The following DOCK10 variants were observed in gnomAD, a reference collection of about 807,000 sequenced individuals.
The protein encoded by DOCK10 is dedicator of cytokinesis 10, also known as dedicator of cytokinesis protein 10.
DOCK10 carries 145 observed loss-of-function variants against 280.1 expected under a neutral mutation model. That is an observed-to-expected ratio of 0.52 (90% CI 0.45 to 0.59). DOCK10 has a LOEUF of 0.59. Among genes scored for constraint, DOCK10 ranks in the 20% least tolerant of loss-of-function variants. The pLI is 0.00. For missense variants in DOCK10, 2,368 were observed against 2,651.7 expected (o/e 0.89, Z 2.35); for synonymous variants, 915 against 942.2 (o/e 0.97, Z 0.53).
chr2:224,884,671 G>A (rs1270326239), intron 7 of DOCK10, among the ~76,000 whole-genome samples: 1 of 152,144 alleles, frequency 6.6e-6, no homozygotes, highest in Non-Finnish European at 1.5e-5. Flanking sequence ...AACATTATTT[G>A]TTAAAAGCAC....
chr2:225,037,453 C>T lies in DOCK10; in HGVS notation c.123+4799G>A, dbSNP rs112571026. On this transcript the variant is annotated intron_variant, in intron 1 of 55. Transcript: ENST00000258390. ...TAGATCAAAAGGCAACACCAATCAA[C>T]GTCAGCTACTCATATCCACCGATTT... is the stretch of plus-strand genomic sequence containing the variant. Among the ~76,000 whole-genome samples the T allele has an allele frequency of 6.4e-3, 972 of 152,238 alleles. 13 individuals are homozygous for T. Among genetic ancestry groups the T allele is most frequent in the African/African-American group, 0.021 (877 of 41,530 alleles).
intron 50 of DOCK10, 90 bp from the exon 51 acceptor site, chr2:224,778,374 T>A: frequency 7.5e-7 from 1 of 1,336,092 alleles, no homozygotes; most frequent in Non-Finnish European, 1.0e-6. Context: ...AAAAAACATA[T>A]ACAGTTTTTG....
At chr2:224,819,953 G>T (rs185602872) in intron 28 of DOCK10, among the ~76,000 whole-genome samples, 1 of 151,908 alleles carries the variant, frequency 6.6e-6, no homozygotes, top group Non-Finnish European at 1.5e-5. Flanking sequence ...TTTAGCTTTC[G>T]GTTGTCTACT....
In DOCK10 at chr2:224,862,714, T is replaced by C. The variant is rs7589474; in HGVS notation, c.1635A>G (p.Gln545=). 159,095 of 1,609,678 alleles carry C rather than the reference T, an allele frequency of 0.099. 12,668 individuals are homozygous for C. Among genetic ancestry groups the C allele is most frequent in the African/African-American group, 0.43 (32,397 of 74,790 alleles). ...GGTATTTTCCCAATTTGCTGCAGAA[T>C]TGTCTGTTGGATTTTAGTATCTTTT... ...YAQKILKSNR[Q]FCSKLGKYRM... The change falls in exon 14 of 56, where the codon CAA becomes CAG. Residue 545 remains glutamine, a synonymous_variant. Transcript: ENST00000258390.
Position 224,956,051 on chromosome 2 carries a change from C to T in DOCK10, c.124-24383G>A, listed in dbSNP as rs577055699. 4.6e-5 allele frequency among the ~76,000 whole-genome samples: 7 copies of T among 152,276 alleles called. No individual in the cohort carries two copies. In the East Asian group the frequency reaches 1.2e-3, roughly 25 times the overall value. ...ACACATAAAACACAAAAGGCAGAAACGAAGTGACAAATGAAGAATATGGGT... is the reference window on the plus strand; with the variant it reads ...ACACATAAAACACAAAAGGCAGAAATGAAGTGACAAATGAAGAATATGGGT... On this transcript the variant is annotated intron_variant, in intron 1 of 55. Coordinates refer to ENST00000258390, the MANE Select transcript of DOCK10 (RefSeq NM_014689.3).
At chr2:224,841,618 T>C (rs1695968209) in intron 23 of DOCK10, among the ~76,000 whole-genome samples, 186 bp downstream of exon 23, 1 of 152,224 alleles carries the variant, frequency 6.6e-6, no homozygotes, top group Non-Finnish European at 1.5e-5. Flanking sequence ...TGCTTGTCTT[T>C]TAAGTCAAGA....
chr2:224,824,978 A>T (rs1040959715), intron 27 of DOCK10, among the ~76,000 whole-genome samples: 41 of 126,924 alleles, frequency 3.2e-4, no homozygotes, highest in Admixed American at 1.7e-3. Flanking sequence ...GCTGGCTTCT[A>T]TTTTTTTTTT....
chr2:224,943,761 CTTTTTTTTT>C (rs67538456), intron 1 of DOCK10, among the ~76,000 whole-genome samples: 1 of 107,414 alleles, frequency 9.3e-6, no homozygotes, highest in Non-Finnish European at 1.9e-5. Context: ...TTTTTCTTTT[CTTTTTTTTT>C]TTTTTTTTTT....
chr2:224,774,755 A>C lies in DOCK10; in HGVS notation c.6013+150T>G. Reference sequence around the variant, plus strand: ...TGTTAATGGAGAATAAAGAGATGGAAATCTCTTCTTGGCAAACATTTCCCA... The same window carrying C: ...TGTTAATGGAGAATAAAGAGATGGACATCTCTTCTTGGCAAACATTTCCCA... On this transcript the variant is annotated intron_variant, in intron 52 of 55. Transcript: ENST00000258390. 4 of 728,114 alleles carry C rather than the reference A, an allele frequency of 5.5e-6. No individual in the cohort carries two copies. The East Asian group carries it at 1.1e-4, about 20-fold the overall frequency. 45.1% of individuals were successfully genotyped at this position (728,114 alleles called of 1,614,324 possible).
chr2:224,810,146 A>G (rs1403931200), intron 31 of DOCK10, among the ~76,000 whole-genome samples: 1 of 152,174 alleles, frequency 6.6e-6, no homozygotes, highest in East Asian at 1.9e-4. Context: ...CTGGTGGACA[A>G]TAAGAGAATA....
intron 1 of DOCK10, among the ~76,000 whole-genome samples, chr2:225,041,191 C>T (rs1690413734): frequency 6.6e-6 from 1 of 152,196 alleles, no homozygotes; most frequent in Admixed American, 6.5e-5. Context: ...GCGCCCTCCT[C>T]ATTGGTGACT....
intron 26 of DOCK10, among the ~76,000 whole-genome samples, chr2:224,833,168 C>A (rs1485898549): frequency 6.6e-6 from 1 of 152,146 alleles, no homozygotes; most frequent in Non-Finnish European, 1.5e-5. Context: ...CAGAGGGATC[C>A]TTTTAAACCA....
chr2:225,028,442 T>C (rs1392939525), intron 1 of DOCK10, among the ~76,000 whole-genome samples: 1 of 152,162 alleles, frequency 6.6e-6, no homozygotes, highest in Non-Finnish European at 1.5e-5. Flanking sequence ...CAAATTTTCC[T>C]CTAGAGCTCC....
chr2:224,798,361 G>A (rs1372852913), intron 41 of DOCK10, among the ~76,000 whole-genome samples: 3 of 152,294 alleles, frequency 2.0e-5, no homozygotes, highest in Non-Finnish European at 4.4e-5. Context: ...GAGCTTATGA[G>A]TTCAAGGTTG....
Position 224,795,047 on chromosome 2 carries a change from C to T in DOCK10, c.4986G>A (p.Arg1662=), listed in dbSNP as rs1301438809. Residue 1662 remains arginine, a synonymous_variant, in exon 45 of 56, where the codon AGG becomes AGA. Coordinates refer to ENST00000258390, the MANE Select transcript of DOCK10 (RefSeq NM_014689.3). The part of the protein sequence containing the change: ...AEVKDLTKRI[R]TVLMATAQMK... ...TCTGAGCTGTGGCCATCAAAACAGT[C>T]CTTATACGCTTAGTCAGGTCCTTCA... 14 of 1,613,930 alleles carry T rather than the reference C, an allele frequency of 8.7e-6. No homozygotes were observed. Among genetic ancestry groups the T allele is most frequent in the Non-Finnish European group, 1.2e-5 (14 of 1,179,866 alleles).
rs779364831 is a variant in DOCK10, at chr2:224,775,028, G to A, written c.5890C>T (p.Arg1964Trp). The A allele has an allele frequency of 9.9e-6, 16 of 1,613,868 alleles. No homozygotes were observed. Among genetic ancestry groups the A allele is most frequent in the South Asian group, 2.2e-5 (2 of 91,078 alleles). Residue 1964 changes from arginine (R) to tryptophan (W), a missense_variant, in exon 52 of 56, where the codon CGG (arginine) becomes TGG (tryptophan). By Grantham distance (101) the Arg-to-Trp change is moderately radical. Transcript: ENST00000258390. ...PFFEEKEIED[R>W]KTDFEMHHNI... Reference sequence around the variant, plus strand: ...TGGTGCATTTCGAAATCTGTCTTCCGGTCTTCGATTTCCTTTTCCTCAAAG... The same window carrying A: ...TGGTGCATTTCGAAATCTGTCTTCCAGTCTTCGATTTCCTTTTCCTCAAAG...
chr2:224,896,436 C>T (rs1209918370), intron 3 of DOCK10, 59 bp from the exon 4 acceptor site: 113 of 1,136,692 alleles, frequency 9.9e-5, no homozygotes, highest in African/African-American at 6.3e-5. Context: ...AGGCTGGGCG[C>T]GGTGGCGCTT....
intron 24 of DOCK10, 116 bp from the exon 25 acceptor site, chr2:224,837,947 G>T: frequency 2.6e-6 from 2 of 780,192 alleles, no homozygotes. Context: ...GTGAATGAAT[G>T]AACCAATCTC....
At chr2:225,004,117 A>G (rs1255155162) in intron 1 of DOCK10, among the ~76,000 whole-genome samples, 2 of 152,220 alleles carry the variant, frequency 1.3e-5, no homozygotes, top group African/African-American at 2.4e-5. Context: ...AGATATGCCC[A>G]TATCCCAATC....
Sources: gnomAD v4.1 joint callset for allele counts (sites outside exome capture counted in the v4.1 genomes callset) on GRCh38, gnomAD v4.1.1 for gene constraint, MANE v1.5 for transcripts, NCBI Gene and HGNC (gene_info 2026-07-23, HGNC 2026-07-21) for gene names.